Variants in PABIR2 observed in about 807,000 individuals in gnomAD.
PABIR2 encodes the protein PABIR family member 2.
In PABIR2, 7 loss-of-function variants were observed where a neutral mutation model predicts 22.8. The observed-to-expected ratio is 0.31, with a 90% confidence interval of 0.17 to 0.58. The LOEUF (loss-of-function observed/expected upper bound fraction) is 0.58, where lower values mean the gene tolerates loss of function less well. Among genes scored for constraint, PABIR2 ranks in the 20% least tolerant of loss-of-function variants. The pLI is 0.89. For synonymous variants in PABIR2, 67 were observed against 73.8 expected (o/e 0.91, Z 0.47); for missense variants, 155 against 205.1 (o/e 0.76, Z 1.49).
chrX:134,794,841 A>T, intron 1 of PABIR2, among the ~76,000 whole-genome samples: 1 of 111,796 alleles, frequency 8.9e-6, no homozygotes, highest in East Asian at 2.8e-4. Flanking sequence ...AGAAAGGTTA[A>T]ATGACTCATT....
intron 9 of PABIR2, among the ~76,000 whole-genome samples, chrX:134,773,542 T>C (rs2078889506): frequency 1.0e-5 from 1 of 95,678 alleles, no homozygotes; most frequent in Admixed American, 1.0e-4. Flanking sequence ...AGATGATATT[T>C]GCTATAATCT....
At chrX:134,776,238 G>C (rs2078973576) in intron 9 of PABIR2, among the ~76,000 whole-genome samples, 1 of 112,025 alleles carries the variant, frequency 8.9e-6, no homozygotes, top group South Asian at 3.7e-4. Context: ...TAAAAATAGT[G>C]TTAGAACCAC....
chrX:134,771,367 A>G lies in PABIR2; in HGVS notation c.*772T>C. On this transcript the variant is annotated 3_prime_UTR_variant, in exon 10 of 10. Transcript: ENST00000343004. ...TTGATAACACCACCTAGAAATATCA[A>G]CAATATTTTATATATTCCTTAGGGC... is the stretch of plus-strand genomic sequence containing the variant. 2.6e-6 allele frequency: 3 copies of G among 1,149,483 alleles called. No individual in the cohort carries two copies. The highest frequency in any genetic ancestry group is 3.5e-6 in the Non-Finnish European group (3 of 868,768). 94.7% of individuals were successfully genotyped at this position (1,149,483 alleles called of 1,213,427 possible).
intron 6 of PABIR2, 53 bp downstream of exon 6, chrX:134,788,677 G>C (rs1345048728): frequency 2.5e-5 from 26 of 1,041,565 alleles, no homozygotes; most frequent in Non-Finnish European, 3.4e-5. Context: ...GTGTGTTTTA[G>C]AGTAAACAGC....
At chrX:134,780,497 T>C (rs940617390) in intron 9 of PABIR2, among the ~76,000 whole-genome samples, 5 of 111,508 alleles carry the variant, frequency 4.5e-5, no homozygotes, top group Admixed American at 3.8e-4. Flanking sequence ...GAGAATCTCT[T>C]GAACCCGGGA....
chrX:134,794,155 G>T, intron 1 of PABIR2: 1 of 336,084 alleles, frequency 3.0e-6, no homozygotes, highest in Non-Finnish European at 3.9e-6. Flanking sequence ...CGGAGCTCCA[G>T]ACTGGTTGAC....
At chrX:134,783,599 C>T (rs1186969459) in intron 8 of PABIR2, among the ~76,000 whole-genome samples, 1 of 111,076 alleles carries the variant, frequency 9.0e-6, no homozygotes, top group Admixed American at 9.6e-5. Flanking sequence ...GTGGTGTGCA[C>T]CTGTAATCCC....
rs552485163 is a variant in PABIR2, at chrX:134,787,691, C to T, written c.436-158G>A. ...AGTGCAGTGATGCGATCATAGCTTA[C>T]TGCAGCCTCGAACTCTTGGGCTCAA... is the stretch of plus-strand genomic sequence containing the variant. On this transcript the variant is annotated intron_variant, in intron 6 of 9. Transcript: ENST00000343004. Among the ~76,000 whole-genome samples, 19 of 95,410 alleles carry T rather than the reference C, an allele frequency of 2.0e-4. No homozygotes were observed. In the South Asian group the frequency reaches 8.6e-3, roughly 43 times the overall value. 82.9% of individuals were successfully genotyped at this position (95,410 alleles called of 115,157 possible).
chrX:134,785,073 AAC>A lies in PABIR2; in HGVS notation c.562+811_562+812del, dbSNP rs770672676. Among the ~76,000 whole-genome samples, 3 of 112,141 alleles carry A rather than the reference AAC, an allele frequency of 2.7e-5. No homozygotes were observed. The South Asian group carries it at 1.1e-3, about 42-fold the overall frequency. ...CTATGCATCTCTTTCATATTTAGATAACAGAGAGGCAATTTTTTGAATATATA... is the reference window on the plus strand; with the variant it reads ...CTATGCATCTCTTTCATATTTAGATAAGAGAGGCAATTTTTTGAATATATA... On this transcript the variant is annotated intron_variant, in intron 8 of 9. Transcript: ENST00000343004.
In PABIR2 at chrX:134,771,021, T is replaced by C; in HGVS notation, c.*1118A>G. On this transcript the variant is annotated 3_prime_UTR_variant, in exon 10 of 10. Coordinates refer to ENST00000343004, the MANE Select transcript of PABIR2 (RefSeq NM_001387468.1). Reference sequence around the variant, plus strand: ...GTAAGAACAAGAACTGGATTCTGATTCTGGCAGCAACACAATAACTAAAAC... The same window carrying C: ...GTAAGAACAAGAACTGGATTCTGATCCTGGCAGCAACACAATAACTAAAAC... The C allele has an allele frequency of 4.0e-6, 1 of 250,927 alleles. No homozygotes were observed. Among genetic ancestry groups the C allele is most frequent in the South Asian group, 1.6e-4 (1 of 6,424 alleles). 20.7% of individuals were successfully genotyped at this position (250,927 alleles called of 1,213,427 possible). A position where few individuals can be genotyped will look rare whatever the true frequency, so the allele number is the denominator to read the frequency against.
chrX:134,776,443 T>C (rs2078979259), intron 9 of PABIR2, among the ~76,000 whole-genome samples: 1 of 110,556 alleles, frequency 9.0e-6, no homozygotes, highest in Non-Finnish European at 1.9e-5. Flanking sequence ...CCCAAAAGAA[T>C]GAAGAGCAGA....
intron 6 of PABIR2, 60 bp from the exon 7 acceptor site, chrX:134,787,593 G>C: frequency 2.0e-5 from 12 of 604,838 alleles, no homozygotes; most frequent in Non-Finnish European, 2.8e-5. Flanking sequence ...AATAGTTCTA[G>C]CACTCCAGTT....
Position 134,789,237 on chromosome X carries a change from T to C in PABIR2, c.264A>G (p.Glu88=). ...AAAGCACTAACCTTTCATGTGCAGTTTCTCTGTTCACCATATCCAGGCCTT... is the reference window on the plus strand; with the variant it reads ...AAAGCACTAACCTTTCATGTGCAGTCTCTCTGTTCACCATATCCAGGCCTT... The part of the protein sequence containing the change: ...REEGLDMVNR[E]TAHEREMQTA... The change falls in exon 4 of 10, where the codon GAA becomes GAG. Residue 88 remains glutamate (E), a synonymous_variant. Transcript: ENST00000343004. 1 of 1,212,409 alleles carries C rather than the reference T, an allele frequency of 8.2e-7. No individual in the cohort carries two copies. Among genetic ancestry groups the C allele is most frequent in the Non-Finnish European group, 1.1e-6 (1 of 895,651 alleles).
chrX:134,774,299 T>C (rs2078908270), intron 9 of PABIR2, among the ~76,000 whole-genome samples: 2 of 112,149 alleles, frequency 1.8e-5, no homozygotes, highest in African/African-American at 6.5e-5. Flanking sequence ...TGATTTTTCC[T>C]CCTGCAGCTT....
At chrX:134,773,073 G>A (rs755985750) in intron 9 of PABIR2, among the ~76,000 whole-genome samples, 1 of 110,463 alleles carries the variant, frequency 9.1e-6, no homozygotes, top group South Asian at 3.9e-4. Context: ...CCAGCCCAGG[G>A]ATTCCTTCCC....
rs141836070 is a variant in PABIR2 at position 134,796,137 on chromosome X, G to A, written c.69C>T (p.Ser23=). The A allele has an allele frequency of 2.9e-4, 351 of 1,208,483 alleles. No individual in the cohort carries two copies. Among genetic ancestry groups the A allele is most frequent in the Non-Finnish European group, 3.7e-4 (334 of 894,827 alleles). The change falls in exon 1 of 10, where the codon TCC becomes TCT. Residue 23 remains serine, a synonymous_variant. Coordinates refer to ENST00000343004, the MANE Select transcript of PABIR2 (RefSeq NM_001387468.1). ...GCCCATGGATTAGGGGAGCGCTGCT[G>A]GATCTCCTCAGGGTTCCCCCATAAG... ...DTSYGGTLRR[S]SSAPLIHGLS...
In PABIR2 at chrX:134,796,268, C is replaced by G; in HGVS notation, c.-63G>C. On this transcript the variant is annotated 5_prime_UTR_variant, in exon 1 of 10. Transcript: ENST00000343004. ...CTCCTGGTGCTTAGCTATGGACTCC[C>G]AAGACTCTCACTGCAGGACTGAGCT... The G allele has an allele frequency of 4.4e-6, 4 of 917,499 alleles. No homozygotes were observed. Among genetic ancestry groups the G allele is most frequent in the Non-Finnish European group, 6.0e-6 (4 of 663,970 alleles). 75.6% of individuals were successfully genotyped at this position (917,499 alleles called of 1,213,427 possible).
chrX:134,793,692 A>G (rs1412102044), intron 2 of PABIR2, 123 bp downstream of exon 2: 6 of 872,656 alleles, frequency 6.9e-6, no homozygotes, highest in Non-Finnish European at 9.9e-6. Context: ...AGTAAACAAC[A>G]TAGGTAAAAT....
Position 134,793,826 on chromosome X carries a change from G to T in PABIR2, c.166C>A (p.Arg56Ser). The change falls in exon 2 of 10, where the codon CGT (arginine) becomes AGT (serine). Residue 56 changes from arginine to serine, a missense_variant. Physicochemically the swap from Arg to Ser is moderately radical, Grantham distance 110. Coordinates refer to ENST00000343004, the MANE Select transcript of PABIR2 (RefSeq NM_001387468.1). The part of the protein sequence containing the change: ...TRRNSTTIMS[R>S]HSLLLSSSPN... Reference sequence around the variant, plus strand: ...ACTTCTATACTTACCAGGCTGTGACGGCTCATAATTGTTGTACTATTCCTC... The same window carrying T: ...ACTTCTATACTTACCAGGCTGTGACTGCTCATAATTGTTGTACTATTCCTC... 8.3e-7 allele frequency: 1 copy of T among 1,209,619 alleles called. No homozygotes were observed. Among genetic ancestry groups the T allele is most frequent in the Non-Finnish European group, 1.1e-6 (1 of 894,114 alleles).
Sources: allele counts gnomAD v4.1 joint callset (sites outside exome capture counted in the v4.1 genomes callset), GRCh38; gene constraint gnomAD v4.1.1; transcripts MANE v1.5; gene names NCBI Gene and HGNC (gene_info 2026-07-23, HGNC 2026-07-21).